The following INTS1 variants were observed in gnomAD, a reference collection of about 807,000 sequenced individuals.
The protein encoded by INTS1 is integrator complex subunit 1.
Under a neutral mutation model 241.6 loss-of-function variants are expected in INTS1, and 137 were observed. The observed-to-expected ratio is 0.57, with a 90% confidence interval of 0.49 to 0.65. The LOEUF is 0.65. Ranked by LOEUF, INTS1 falls within the 30% of genes least tolerant of loss-of-function variation. The probability of loss-of-function intolerance (pLI) is 0.00; values close to 1 mark genes in which losing one functional copy is unlikely to be tolerated. For synonymous variants in INTS1, 1,692 were observed against 1,337.8 expected (o/e 1.26, Z -5.78); for missense variants, 3,073 against 3,032.2 (o/e 1.01, Z -0.32).
At chr7:1,479,196 G>A (rs979983378) in intron 31 of INTS1, among the ~76,000 whole-genome samples, 2 of 152,254 alleles carry the variant, frequency 1.3e-5, no homozygotes, top group Non-Finnish European at 2.9e-5. Flanking sequence ...AGGCAGGAGC[G>A]CCGAGCCTGG....
intron 22 of INTS1, among the ~76,000 whole-genome samples, chr7:1,485,898 A>G (rs1252693112): frequency 6.6e-6 from 1 of 152,044 alleles, no homozygotes; most frequent in African/African-American, 2.4e-5. Context: ...GCCTCAAGTG[A>G]TTCTCCCATC....
intron 30 of INTS1, 37 bp from the exon 31 acceptor site, chr7:1,479,721 G>A (rs1203908440): frequency 2.8e-6 from 4 of 1,443,084 alleles, no homozygotes; most frequent in South Asian, 2.9e-5. Context: ...AGGAAGCGGA[G>A]GAGAAGGAGG....
At chr7:1,491,742 A>G (rs1267480756) in intron 16 of INTS1, among the ~76,000 whole-genome samples, 9 of 152,160 alleles carry the variant, frequency 5.9e-5, no homozygotes, top group African/African-American at 2.2e-4. Flanking sequence ...CTCTGCAAAC[A>G]CTAAAATTAG....
chr7:1,474,126 G>A lies in INTS1; in HGVS notation c.5829+42C>T, dbSNP rs761210367. 9 of 1,523,738 alleles carry A rather than the reference G, an allele frequency of 5.9e-6. No homozygotes were observed. In the Admixed American group the frequency reaches 7.5e-5, roughly 13 times the overall value. The allele number at this position is 1,523,738 out of a possible 1,614,324, so 94.4% of individuals were successfully genotyped here. A position where few individuals can be genotyped will look rare whatever the true frequency, so the allele number is the denominator to read the frequency against. On this transcript the variant is annotated intron_variant, in intron 41 of 47. Transcript: ENST00000404767. ...GAGGCAGGCCTGGGCCAGAGCAGAG[G>A]GAGTGGAAGGGAGCGCGAGGGCGGG... is the stretch of plus-strand genomic sequence containing the variant.
Position 1,473,454 on chromosome 7 carries a change from G to A in INTS1, c.5957+112C>T, listed in dbSNP as rs188774956. The A allele has an allele frequency of 5.3e-4, 712 of 1,338,384 alleles. 2 individuals carry two copies. The highest frequency in any genetic ancestry group is 2.7e-3 in the East Asian group (109 of 39,860). The allele number at this position is 1,338,384 out of a possible 1,614,324, so 82.9% of individuals were successfully genotyped here. A position where few individuals can be genotyped will look rare whatever the true frequency, so the allele number is the denominator to read the frequency against. On this transcript the variant is annotated intron_variant, in intron 42 of 47. Transcript: ENST00000404767. ...AGCACCACGCTCAGCAGCCCTCCCCGGCCTCAGGAGCAGCATATCTGACAC... is the reference window on the plus strand; with the variant it reads ...AGCACCACGCTCAGCAGCCCTCCCCAGCCTCAGGAGCAGCATATCTGACAC...
Position 1,480,393 on chromosome 7 carries a change from C to T in INTS1, c.3998G>A (p.Gly1333Asp). Residue 1333 changes from glycine (G) to aspartate (D), a missense_variant, in exon 30 of 48, where the codon GGC becomes GAC. Coordinates refer to ENST00000404767, the MANE Select transcript of INTS1 (RefSeq NM_001080453.3). ...GGTCCCCACCCGAATCCGGCCCTGG[C>T]CTATGGGCTGCTCTGGGCTGCTCTT... ...KPKSSPEQPI[G>D]QGRIRVGTQL... 6.2e-7 allele frequency: 1 copy of T among 1,613,196 alleles called. No homozygotes were observed. The highest frequency in any genetic ancestry group is 8.5e-7 in the Non-Finnish European group (1 of 1,179,710).
At chr7:1,471,489 C>A in intron 45 of INTS1, 82 bp downstream of exon 45, 2 of 1,459,770 alleles carry the variant, frequency 1.4e-6, no homozygotes, top group East Asian at 2.3e-5. Flanking sequence ...AGCGCGGGCA[C>A]GCCATGTTGG....
chr7:1,503,607 A>G (rs1342055317), intron 2 of INTS1, among the ~76,000 whole-genome samples: 3 of 152,218 alleles, frequency 2.0e-5, no homozygotes. Context: ...GCTACGCTAC[A>G]CTGTGCTGCC....
chr7:1,486,929 T>C lies in INTS1; in HGVS notation c.2819A>G (p.Lys940Arg), dbSNP rs760027186. ...GGGGTGGGCGGCCCTGACCTGCCGCTTCTTGGCCTTCTGCTCCTTGCTCTC... is the reference window on the plus strand; with the variant it reads ...GGGGTGGGCGGCCCTGACCTGCCGCCTCTTGGCCTTCTGCTCCTTGCTCTC... ...EGESKEQKAKKRQRQQKQRQL... is the reference protein window; with the variant it reads ...EGESKEQKAKRRQRQQKQRQL... The change falls in exon 21 of 48, where the codon AAG (lysine) becomes AGG (arginine). Residue 940 changes from lysine (K) to arginine (R), a missense_variant. Transcript: ENST00000404767. The C allele has an allele frequency of 2.5e-6, 4 of 1,602,816 alleles. No individual in the cohort carries two copies. Among genetic ancestry groups the C allele is most frequent in the East Asian group, 4.5e-5 (2 of 44,598 alleles).
chr7:1,499,058 G>A lies in INTS1; in HGVS notation c.1054C>T (p.Arg352Trp), dbSNP rs945359758. ...PIDNVSRNLLRLLTSTCGYKE... is the reference protein window; with the variant it reads ...PIDNVSRNLLWLLTSTCGYKE... ...TAGCCGCAGGTGGAGGTGAGGAGCC[G>A]CAGGAGGTTCCTGGAGACGTTGTCG... Residue 352 changes from arginine to tryptophan, a missense_variant, in exon 8 of 48, where the codon CGG (arginine) becomes TGG (tryptophan). Coordinates refer to ENST00000404767, the MANE Select transcript of INTS1 (RefSeq NM_001080453.3). 5 of 1,599,818 alleles carry A rather than the reference G, an allele frequency of 3.1e-6. No homozygotes were observed. The highest frequency in any genetic ancestry group is 4.3e-6 in the Non-Finnish European group (5 of 1,174,534).
rs764463716 is a variant in INTS1, at chr7:1,499,140, G to C, written c.972C>G (p.Ser324Arg). The change falls in exon 8 of 48, where the codon AGC (serine) becomes AGG (arginine). Residue 324 changes from serine (S) to arginine (R), a missense_variant. Coordinates refer to ENST00000404767, the MANE Select transcript of INTS1 (RefSeq NM_001080453.3). ...GCATGTCCAGGACATACTCCTCCAC[G>C]CTCTCCGCGAGCTCTTCGTACCTAG... ...LMPRYEELAE[S>R]VEEYVLDMLR... The C allele has an allele frequency of 7.4e-6, 12 of 1,610,786 alleles. No individual in the cohort carries two copies. Among genetic ancestry groups the C allele is most frequent in the Non-Finnish European group, 9.3e-6 (11 of 1,179,026 alleles).
At chr7:1,474,089 CCG>C in intron 41 of INTS1, 77 bp downstream of exon 41, 1 of 1,435,610 alleles carries the variant, frequency 7.0e-7, no homozygotes, top group Non-Finnish European at 9.2e-7. Flanking sequence ...CCCAGTCCCT[CCG>C]CGAGTGGGTG....
At chr7:1,479,290 T>A in intron 31 of INTS1, 140 bp downstream of exon 31, 1 of 1,055,518 alleles carries the variant, frequency 9.5e-7, no homozygotes, top group Non-Finnish European at 1.3e-6. Context: ...CTGCCGCCAC[T>A]CCCTGGGGCA....
rs770036740 is a variant in INTS1, at chr7:1,476,452, G to A, written c.5155C>T (p.Arg1719Trp). The change falls in exon 38 of 48, where the codon CGG becomes TGG. Residue 1719 changes from arginine (R) to tryptophan (W), a missense_variant. Transcript: ENST00000404767. ...QGRDQRTPQKRREELVLRVQG... is the reference protein window; with the variant it reads ...QGRDQRTPQKWREELVLRVQG... ...ACCCGCAGCACCAGCTCCTCCCGCC[G>A]CTTCTGTAACGGGTGCCTGCATCAG... 10 of 1,569,770 alleles carry A rather than the reference G, an allele frequency of 6.4e-6. No individual in the cohort carries two copies. The highest frequency in any genetic ancestry group is 4.1e-5 in the African/African-American group (3 of 73,122).
At chr7:1,471,545 C>T in intron 45 of INTS1, 26 bp downstream of exon 45, 1 of 1,610,486 alleles carries the variant, frequency 6.2e-7, no homozygotes, top group Non-Finnish European at 8.5e-7. Flanking sequence ...CTCCTCCCAG[C>T]TCTCCCTCAG....
At chr7:1,498,947 C>CGG in intron 8 of INTS1, 28 bp downstream of exon 8, 128 of 1,338,968 alleles carry the variant, frequency 9.6e-5, no homozygotes, top group Non-Finnish European at 1.2e-4. Context: ...CCCCCTGCCC[C>CGG]GCCCACCCCC....
Position 1,498,423 on chromosome 7 carries a change from GCT to G in INTS1, c.1412_1413del (p.Glu471AlafsTer135). ...VLYTALQHSS[E>X]LAPKFLAMVF... is the part of the protein sequence containing the mutation. ...GACCCTGGGCCTACCTTGGGCGCCA[GCT>G]CTGAGCTGTGCTGCAGTGCGGTATA... On this transcript the variant is annotated frameshift_variant, in exon 10 of 48. Transcript: ENST00000404767. LOFTEE classifies it high-confidence loss of function. The G allele has an allele frequency of 6.2e-7, 1 of 1,613,840 alleles. No homozygotes were observed. Among genetic ancestry groups the G allele is most frequent in the African/African-American group, 1.3e-5 (1 of 75,072 alleles).
chr7:1,489,345 T>TCAGGCCCTGCTCCCAGCCCCGGGCCCGCC lies in INTS1; in HGVS notation c.2316_2317insGGCGGGCCCGGGGCTGGGAGCAGGGCCTG (p.Asn773GlyfsTer10). The TCAGGCCCTGCTCCCAGCCCCGGGCCCGCC allele has an allele frequency of 6.2e-6, 10 of 1,609,568 alleles. No homozygotes were observed. The highest frequency in any genetic ancestry group is 4.4e-5 in the South Asian group (4 of 90,324). On this transcript the variant is annotated frameshift_variant and splice_region_variant, in exon 18 of 48. Transcript: ENST00000404767. LOFTEE classifies it high-confidence loss of function. ...CGCCGAGGGGACGTGCGCACTCACT[T>TCAGGCCCTGCTCCCAGCCCCGGGCCCGCC]GGTCATCACCATCTCCATGAGCATC... is the stretch of plus-strand genomic sequence containing the variant.
intron 16 of INTS1, 150 bp downstream of exon 16, chr7:1,492,860 G>A: frequency 3.7e-6 from 2 of 537,718 alleles, no homozygotes; most frequent in South Asian, 2.2e-5. Flanking sequence ...GTGGGGAGCG[G>A]GGCGCGGGCT....
Sources: gnomAD v4.1 joint callset for allele counts (sites outside exome capture counted in the v4.1 genomes callset) on GRCh38, gnomAD v4.1.1 for gene constraint, MANE v1.5 for transcripts, NCBI Gene and HGNC (gene_info 2026-07-23, HGNC 2026-07-21) for gene names.